The following TET3 variants were observed in gnomAD, a reference collection of about 807,000 sequenced individuals.
The protein encoded by TET3 is methylcytosine dioxygenase TET3.
A neutral mutation model predicts 141.4 loss-of-function variants in TET3; 19 were observed. The ratio of observed to expected loss-of-function variants is 0.13; its 90% CI spans 0.09 to 0.20. TET3 has a LOEUF of 0.20. Among genes scored for constraint, TET3 ranks in the 10% least tolerant of loss-of-function variants. The pLI is 1.00. For synonymous variants in TET3, 1,043 were observed against 980.9 expected, an observed-to-expected ratio of 1.06 and a Z score of -1.18; for missense variants, 1,874 against 2,356.9, an observed-to-expected ratio of 0.80 and a Z score of 4.24.
At chr2:74,032,457 G>C (rs1459677003) in intron 3 of TET3, among the ~76,000 whole-genome samples, 2 of 11,632 alleles carry the variant, frequency 1.7e-4, no homozygotes, top group South Asian at 1.8e-3. Flanking sequence ...GTCTCTGTGT[G>C]TGTGTGTGTG....
chr2:74,080,701 G>C (rs913165825), intron 6 of TET3, 110 bp downstream of exon 6: 1 of 391,498 alleles, frequency 2.6e-6, no homozygotes, highest in African/African-American at 2.2e-5. Context: ...GGCGAGGGCG[G>C]GGGGTGGGGC....
chr2:74,117,633 A>G, the TET3 span, among the ~76,000 whole-genome samples: 6 of 152,318 alleles, frequency 3.9e-5, no homozygotes, highest in Admixed American at 3.9e-4. Context: ...ACCATTTTTT[A>G]GCATTTTTGT....
intron 3 of TET3, among the ~76,000 whole-genome samples, chr2:74,031,139 C>T (rs1686664067): frequency 6.6e-6 from 1 of 151,540 alleles, no homozygotes; most frequent in Non-Finnish European, 1.5e-5. Flanking sequence ...AGCGGTGGGG[C>T]CTTGATTGGA....
At chr2:74,032,733 T>C (rs1037943284) in intron 3 of TET3, among the ~76,000 whole-genome samples, 1 of 152,078 alleles carries the variant, frequency 6.6e-6, no homozygotes, top group Non-Finnish European at 1.5e-5. Context: ...ATCAAGAGGC[T>C]AGGGGTGGGG....
chr2:74,100,972 C>A lies in TET3; in HGVS notation c.4184C>A (p.Ser1395Tyr), dbSNP rs762846019. Residue 1395 changes from serine to tyrosine, a missense_variant, in exon 12 of 12, where the codon TCC becomes TAC. Ser to Tyr is a moderately radical substitution (Grantham distance 144, BLOSUM62 -2). Around this residue, in one of 10 missense-constraint regions of TET3, gnomAD observed 602 missense variants for 590.2 expected, o/e 1.02. Coordinates refer to ENST00000409262, the MANE Select transcript of TET3 (RefSeq NM_001287491.2). ...FAQSSNCYNR[S>Y]IKQEPVDPLT... is the part of the protein sequence containing the mutation. ...CAGAGCTCCAACTGCTACAACAGAT[C>A]CATCAAGCAAGAGCCAGTAGACCCG... The A allele has an allele frequency of 6.2e-7, 1 of 1,612,140 alleles. No homozygotes were observed. The highest frequency in any genetic ancestry group is 8.5e-7 in the Non-Finnish European group (1 of 1,179,208).
At chr2:74,048,602 T>C (rs1687775767) in intron 4 of TET3, among the ~76,000 whole-genome samples, 191 bp downstream of exon 4, 1 of 152,214 alleles carries the variant, frequency 6.6e-6, no homozygotes, top group Non-Finnish European at 1.5e-5. Context: ...ATACTGTGCG[T>C]GTATGCCACG....
chr2:74,104,010 CTG>C lies in TET3; in HGVS notation c.*1836_*1837del, dbSNP rs1242354559. On this transcript the variant is annotated 3_prime_UTR_variant, in exon 12 of 12. Coordinates refer to ENST00000409262, the MANE Select transcript of TET3 (RefSeq NM_001287491.2). ...TGAGAACCGGCCTGCTGGGTGTTTA[CTG>C]TATCTGTTTGGAAGCACTGGCGGAG... 3.9e-5 allele frequency: 6 copies of C among 153,672 alleles called. No homozygotes were observed. The highest frequency in any genetic ancestry group is 1.4e-4 in the African/African-American group (6 of 41,428). The allele number at this position is 153,672 out of a possible 1,614,324, so 9.5% of individuals were successfully genotyped here.
chr2:74,092,863 G>A (rs778820058), intron 8 of TET3, 39 bp from the exon 9 acceptor site: 20 of 1,532,168 alleles, frequency 1.3e-5, no homozygotes, highest in South Asian at 9.5e-5. Flanking sequence ...TCTGCCAGGC[G>A]GGGCTGCTCT....
chr2:74,045,051 G>A (rs1258171807), intron 3 of TET3, among the ~76,000 whole-genome samples: 36 of 152,254 alleles, frequency 2.4e-4, no homozygotes, highest in Non-Finnish European at 2.9e-5. Flanking sequence ...AACAATACAG[G>A]TACTTTCTAG....
intron 10 of TET3, among the ~76,000 whole-genome samples, chr2:74,094,654 G>A (rs1690701845): frequency 6.6e-6 from 1 of 152,184 alleles, no homozygotes; most frequent in East Asian, 1.9e-4. Context: ...ACACGGCTTG[G>A]GCAGGAGTGG....
intron 3 of TET3, among the ~76,000 whole-genome samples, chr2:74,041,663 A>C (rs1291939508): frequency 6.6e-6 from 1 of 152,262 alleles, no homozygotes; most frequent in Non-Finnish European, 1.5e-5. Context: ...ATCACAGCAT[A>C]AAATGTATTT....
In TET3 at chr2:74,047,646, G is replaced by C; in HGVS notation, c.1729G>C (p.Glu577Gln). The C allele has an allele frequency of 6.2e-7, 1 of 1,613,432 alleles. No individual in the cohort carries two copies. The highest frequency in any genetic ancestry group is 1.1e-5 in the South Asian group (1 of 90,998). Residue 577 changes from glutamate (E) to glutamine (Q), a missense_variant, in exon 4 of 12, where the codon GAG (glutamate) becomes CAG (glutamine). By Grantham distance (29) the Glu-to-Gln change is conservative. This residue lies in a region of TET3 where 484 missense variants were observed against 462.2 expected (regional missense o/e 1.05). Coordinates refer to ENST00000409262, the MANE Select transcript of TET3 (RefSeq NM_001287491.2). ...VPRLPDRPPK[E>Q]KKKKLPTPAG... is the part of the protein sequence containing the mutation. ...ACGGCTTCCAGACAGACCACCCAAG[G>C]AGAAGAAGAAGAAGCTCCCAACACC...
chr2:74,082,378 G>A (rs1423599175), intron 6 of TET3, among the ~76,000 whole-genome samples: 1 of 152,146 alleles, frequency 6.6e-6, no homozygotes, highest in Non-Finnish European at 1.5e-5. Flanking sequence ...GTATGCCATT[G>A]CTCTGGGGTC....
At position 74,093,466 on chromosome 2, in the gene TET3, G is replaced by A; in HGVS notation, c.3130-63G>A. 6.7e-7 allele frequency: 1 copy of A among 1,495,782 alleles called. No individual in the cohort carries two copies. The highest frequency in any genetic ancestry group is 9.0e-7 in the Non-Finnish European group (1 of 1,114,938). The allele number at this position is 1,495,782 out of a possible 1,614,324, so 92.7% of individuals were successfully genotyped here. On this transcript the variant is annotated intron_variant, in intron 9 of 11. Coordinates refer to ENST00000409262, the MANE Select transcript of TET3 (RefSeq NM_001287491.2). This position sits in a 1 kb window ranked among gnomAD's most constrained non-coding sequence, Gnocchi z 4.2. ...CTCCTTCCAAGACCTGGCCTCCCCA[G>A]GTGCAGAATCGGGGCCACTCACCTC...
At chr2:73,998,253 T>G (rs928682138) in intron 2 of TET3, 1 of 152,236 alleles carries the variant, frequency 6.6e-6, no homozygotes, top group Admixed American at 6.5e-5. Flanking sequence ...TGTTATTTGC[T>G]TAGGTCCTTG....
chr2:74,006,798 T>A (rs373718100), intron 3 of TET3, among the ~76,000 whole-genome samples: 5 of 152,178 alleles, frequency 3.3e-5, no homozygotes, highest in East Asian at 1.9e-4. Flanking sequence ...TCATTTCCTC[T>A]CACACCCGGG....
At chr2:73,999,295 G>A (rs1379185398) in intron 2 of TET3, among the ~76,000 whole-genome samples, 1 of 152,162 alleles carries the variant, frequency 6.6e-6, no homozygotes. Flanking sequence ...GTGACCTTGG[G>A]CAAGATACTT....
intron 3 of TET3, among the ~76,000 whole-genome samples, chr2:74,007,793 G>A (rs1685219298): frequency 6.6e-6 from 1 of 152,210 alleles, no homozygotes; most frequent in Admixed American, 6.5e-5. Context: ...TCTGGGGAAG[G>A]ACCAGTTTTT....
At chr2:74,090,369 C>T (rs1418684444) in intron 8 of TET3, among the ~76,000 whole-genome samples, 1 of 152,152 alleles carries the variant, frequency 6.6e-6, no homozygotes, top group Non-Finnish European at 1.5e-5. Flanking sequence ...GGTCATTTCT[C>T]CCCCCCATCT....
Sources: gnomAD v4.1 joint callset for allele counts (sites outside exome capture counted in the v4.1 genomes callset) on GRCh38, gnomAD v4.1.1 for gene constraint, gnomAD v4.1.1 regional missense constraint, Gnocchi (gnomAD v3.1) non-coding constraint, MANE v1.5 for transcripts, NCBI Gene and HGNC (gene_info 2026-07-23, HGNC 2026-07-21) for gene names.